The following TRPM2 variants were observed in gnomAD, a reference collection of about 807,000 sequenced individuals.
TRPM2 encodes transient receptor potential cation channel subfamily M member 2.
A neutral mutation model predicts 174.0 loss-of-function variants in TRPM2; 161 were observed. The ratio of observed to expected loss-of-function variants is 0.93; its 90% CI spans 0.81 to 1.05. The LOEUF (loss-of-function observed/expected upper bound fraction) is 1.05. Among genes scored for constraint, TRPM2 ranks in the 50% least tolerant of loss-of-function variants. The pLI, the probability that TRPM2 is intolerant of heterozygous loss-of-function variation, is 0.00. For synonymous variants in TRPM2, 954 were observed against 861.3 expected (o/e 1.11, Z -1.88); for missense variants, 2,057 against 2,038.0 (o/e 1.01, Z -0.18).
At chr21:44,385,218 C>T (rs2048984740) in intron 9 of TRPM2, among the ~76,000 whole-genome samples, 1 of 152,016 alleles carries the variant, frequency 6.6e-6, no homozygotes, top group Non-Finnish European at 1.5e-5. Flanking sequence ...AATTTGACAC[C>T]CTTTCATGGT....
At chr21:44,373,466 TG>T (rs2048601015) in intron 5 of TRPM2, among the ~76,000 whole-genome samples, 2 of 152,228 alleles carry the variant, frequency 1.3e-5, no homozygotes, top group African/African-American at 4.8e-5. Flanking sequence ...GGATTACAGG[TG>T]TGAGCCACTG....
chr21:44,357,213 G>A (rs765832469), intron 2 of TRPM2, among the ~76,000 whole-genome samples: 2 of 152,220 alleles, frequency 1.3e-5, no homozygotes, highest in South Asian at 2.1e-4. Flanking sequence ...CTGACCTGCT[G>A]TGTCCTGAGA....
At chr21:44,352,833 G>C (rs1047872065), upstream of TRPM2, among the ~76,000 whole-genome samples, 1 of 152,222 alleles carries the variant, frequency 6.6e-6, no homozygotes, top group African/African-American at 2.4e-5. Flanking sequence ...TCTTTTTCCT[G>C]GAGTGGAGAG....
intron 22 of TRPM2, chr21:44,422,391 T>G (rs1281930177): frequency 3.9e-6 from 6 of 1,535,998 alleles, no homozygotes; most frequent in Non-Finnish European, 4.4e-6. Context: ...CCTCGCATGT[T>G]TGCAAGGCTG....
chr21:44,388,972 C>G (rs1026965318), intron 9 of TRPM2, among the ~76,000 whole-genome samples: 1 of 152,198 alleles, frequency 6.6e-6, no homozygotes, highest in Non-Finnish European at 1.5e-5. Context: ...TAAGCTCCCT[C>G]AATTCTAAAT....
At position 44,402,550 on chromosome 21, in the gene TRPM2, C is replaced by G. The variant is rs558182623; in HGVS notation, c.2538+653C>G. 2.6e-5 allele frequency among the ~76,000 whole-genome samples: 4 copies of G among 152,300 alleles called. No individual in the cohort carries two copies. In the South Asian group the frequency reaches 8.3e-4, roughly 32 times the overall value. ...GAGGCTGACACCACATGGTTGACCT[C>G]AGTCTCCAGCCCTCCAAAGGTCAAA... On this transcript the variant is annotated intron_variant, in intron 16 of 31. Coordinates refer to ENST00000397928, the MANE Select transcript of TRPM2 (RefSeq NM_003307.4).
At chr21:44,433,299 T>C (rs532025818) in intron 27 of TRPM2, among the ~76,000 whole-genome samples, 26 of 152,288 alleles carry the variant, frequency 1.7e-4, no homozygotes, top group East Asian at 1.9e-4. Context: ...AGGCAGAGCG[T>C]GTGGCCTCCT....
intron 19 of TRPM2, among the ~76,000 whole-genome samples, chr21:44,407,065 C>T (rs2049916740): frequency 6.7e-6 from 1 of 148,230 alleles, no homozygotes; most frequent in South Asian, 2.2e-4. Context: ...GAATGTCACC[C>T]TGTATCCCCT....
chr21:44,358,456 G>A (rs912139456), intron 2 of TRPM2, among the ~76,000 whole-genome samples: 5 of 152,238 alleles, frequency 3.3e-5, no homozygotes, highest in African/African-American at 1.2e-4. Context: ...GTGGGGTGCC[G>A]GGGGTGGTGT....
chr21:44,421,692 C>A (rs2050556719), intron 22 of TRPM2, among the ~76,000 whole-genome samples: 1 of 152,112 alleles, frequency 6.6e-6, no homozygotes, highest in South Asian at 2.1e-4. Flanking sequence ...AGGAGGATTT[C>A]TTGAGGCCAA....
intron 11 of TRPM2, among the ~76,000 whole-genome samples, chr21:44,392,421 C>T (rs74670612): frequency 1.4e-5 from 2 of 139,972 alleles, no homozygotes; most frequent in African/African-American, 2.6e-5. Flanking sequence ...CCACACCCAG[C>T]TTTTTTTTTT....
rs1180279406 is a variant in TRPM2, at chr21:44,424,835, C to G, written c.3550-17C>G. 8 of 1,560,240 alleles carry G rather than the reference C, an allele frequency of 5.1e-6. No homozygotes were observed. The African/African-American group carries it at 1.1e-4, about 21-fold the overall frequency. ...TGGGTGGCAGGTGCTCACTGTGTCT[C>G]GGGCCATGCCTTCCAGGTGGCCCAG... On this transcript the variant is annotated splice_polypyrimidine_tract_variant and intron_variant, in intron 23 of 31. Transcript: ENST00000397928.
At chr21:44,390,788 T>G in intron 9 of TRPM2, 116 bp from the exon 10 acceptor site, 2 of 1,414,818 alleles carry the variant, frequency 1.4e-6, no homozygotes, top group East Asian at 2.3e-5. Context: ...GCCTGTCACT[T>G]TGAATTGTTG....
intron 2 of TRPM2, among the ~76,000 whole-genome samples, chr21:44,359,878 G>A (rs1188748659): frequency 2.6e-5 from 4 of 151,920 alleles, no homozygotes; most frequent in Admixed American, 2.6e-4. Context: ...CTCCTGAGTA[G>A]CGGGGACTAC....
chr21:44,393,322 T>C (rs1477109573), intron 11 of TRPM2, among the ~76,000 whole-genome samples: 1 of 152,220 alleles, frequency 6.6e-6, no homozygotes, highest in African/African-American at 2.4e-5. Context: ...CTTTTCTTCT[T>C]TGACCTATGA....
chr21:44,366,170 G>A lies in TRPM2; in HGVS notation c.424-584G>A, dbSNP rs1358252579. Among the ~76,000 whole-genome samples the A allele has an allele frequency of 6.6e-6, 1 of 152,152 alleles. No homozygotes were observed. Among genetic ancestry groups the A allele is most frequent in the Non-Finnish European group, 1.5e-5 (1 of 68,034 alleles). On this transcript the variant is annotated intron_variant, in intron 3 of 31. Coordinates refer to ENST00000397928, the MANE Select transcript of TRPM2 (RefSeq NM_003307.4). The surrounding 1 kb of genome is among the most constrained non-coding windows in gnomAD (Gnocchi z 6.0). The stretch of plus-strand genomic sequence containing the variant: ...TGACGACAGAACCTGGGAGAGCCGT[G>A]TTCAGACGGGAGGCAGAGGAAGCTG...
At chr21:44,424,766 G>A in intron 23 of TRPM2, 86 bp from the exon 24 acceptor site, 2 of 833,064 alleles carry the variant, frequency 2.4e-6, no homozygotes, top group Non-Finnish European at 3.5e-6. Flanking sequence ...CTCCTGGCTG[G>A]GGGAGTGAAG....
At chr21:44,401,150 C>T (rs1157197191) in intron 15 of TRPM2, among the ~76,000 whole-genome samples, 1 of 152,168 alleles carries the variant, frequency 6.6e-6, no homozygotes, top group Admixed American at 6.5e-5. Context: ...CCGAGGATGG[C>T]AGAGCCGTGT....
chr21:44,406,535 T>G, intron 18 of TRPM2, 59 bp from the exon 19 acceptor site: 1 of 1,540,946 alleles, frequency 6.5e-7, no homozygotes, highest in South Asian at 1.2e-5. Flanking sequence ...GGCCTGCCTC[T>G]GGGCCCAGTG....
Sources: gnomAD v4.1 joint callset for allele counts (sites outside exome capture counted in the v4.1 genomes callset) on GRCh38, gnomAD v4.1.1 for gene constraint, Gnocchi (gnomAD v3.1) non-coding constraint, MANE v1.5 for transcripts, NCBI Gene and HGNC (gene_info 2026-07-23, HGNC 2026-07-21) for gene names.